GART: variants seen among roughly 807,000 people sequenced by gnomAD.
The protein encoded by GART is phosphoribosylglycinamide formyltransferase, phosphoribosylglycinamide synthetase, phosphoribosylaminoimidazole synthetase, also known as trifunctional purine biosynthetic protein adenosine-3.
Under a neutral mutation model 107.2 loss-of-function variants are expected in GART, and 43 were observed. That is an observed-to-expected ratio of 0.40 (90% CI 0.31 to 0.52). The LOEUF (loss-of-function observed/expected upper bound fraction) is 0.52. Among genes scored for constraint, GART ranks in the 20% least tolerant of loss-of-function variants. The pLI, the probability that GART is intolerant of heterozygous loss-of-function variation, is 0.52. For missense variants in GART, 1,107 were observed against 1,206.5 expected, an observed-to-expected ratio of 0.92 and a Z score of 1.22; for synonymous variants, 434 against 427.0, an observed-to-expected ratio of 1.02 and a Z score of -0.20.
chr21:33,533,011 A>G (rs1431125579), intron 4 of GART, among the ~76,000 whole-genome samples: 3 of 152,204 alleles, frequency 2.0e-5, no homozygotes, highest in African/African-American at 4.8e-5. Context: ...AACTGACACA[A>G]CTGAAAGGAA....
intron 18 of GART, among the ~76,000 whole-genome samples, chr21:33,508,705 C>G (rs56376211): frequency 0.11 from 16,471 of 151,794 alleles, 1,073 homozygotes; most frequent in Non-Finnish European, 0.14. Context: ...TTAGTGGAGA[C>G]AGGGTTTCAC....
intron 16 of GART, among the ~76,000 whole-genome samples, chr21:33,512,177 G>A (rs554484580): frequency 3.8e-4 from 57 of 151,456 alleles, no homozygotes; most frequent in African/African-American, 9.7e-4. Context: ...CCAGCTACTC[G>A]GGAGGCTGAG....
At chr21:33,504,785 G>A (rs1158262706) in intron 20 of GART, among the ~76,000 whole-genome samples, 1 of 152,170 alleles carries the variant, frequency 6.6e-6, no homozygotes, top group Non-Finnish European at 1.5e-5. Context: ...GGAAGGTGGG[G>A]AGTTCAAGCT....
rs1464674107 is a variant in GART at position 33,517,536 on chromosome 21, G to A, written c.1775C>T (p.Ala592Val). 6.2e-7 allele frequency: 1 copy of A among 1,614,162 alleles called. No individual in the cohort carries two copies. The highest frequency in any genetic ancestry group is 8.5e-7 in the Non-Finnish European group (1 of 1,180,040). Residue 592 changes from alanine (A) to valine (V), a missense_variant, in exon 15 of 22, where the codon GCC becomes GTC. Transcript: ENST00000381815. Reference protein sequence around the residue: ...EYDLAGFAVGAMERDQKLPHL... With the variant: ...EYDLAGFAVGVMERDQKLPHL... ...AGGGAGTTTCTGATCTCGCTCCATG[G>A]CACCAACGGCAAACCCAGCTAGGTC...
intron 16 of GART, among the ~76,000 whole-genome samples, chr21:33,515,805 T>C (rs975742712): frequency 1.3e-5 from 2 of 152,072 alleles, no homozygotes; most frequent in African/African-American, 4.8e-5. Context: ...ACCCACTGTC[T>C]CCACAACTCT....
At chr21:33,528,650 T>C (rs747639132) in intron 8 of GART, 46 bp from the exon 9 acceptor site, 5 of 1,279,924 alleles carry the variant, frequency 3.9e-6, no homozygotes, top group Non-Finnish European at 5.4e-6. Flanking sequence ...AGAAAATCTA[T>C]GATGAAGACA....
rs551768427 is a variant in GART at position 33,538,938 on chromosome 21, G to A, written c.145+233C>T. Among the ~76,000 whole-genome samples the A allele has an allele frequency of 4.6e-5, 7 of 152,102 alleles. No individual in the cohort carries two copies. The East Asian group carries it at 5.8e-4, about 13-fold the overall frequency. On this transcript the variant is annotated intron_variant, in intron 2 of 21. Transcript: ENST00000381815. Reference sequence around the variant, plus strand: ...TGGGACTACAGGCACCCGCCACCACGCCCGGCTAATTTTTTGTATTTTTAG... The same window carrying A: ...TGGGACTACAGGCACCCGCCACCACACCCGGCTAATTTTTTGTATTTTTAG...
At chr21:33,536,080 T>G (rs1245225627) in intron 2 of GART, among the ~76,000 whole-genome samples, 2 of 151,994 alleles carry the variant, frequency 1.3e-5, no homozygotes, top group Non-Finnish European at 2.9e-5. Context: ...ATACTTAACA[T>G]GTTTACAATA....
intron 2 of GART, among the ~76,000 whole-genome samples, chr21:33,536,282 A>G (rs943932406): frequency 1.3e-5 from 2 of 152,140 alleles, no homozygotes; most frequent in African/African-American, 4.8e-5. Flanking sequence ...CCAACCTGCA[A>G]GTCAGGTAAA....
chr21:33,531,601 C>T lies in GART; in HGVS notation c.529-44G>A, dbSNP rs199904496. ...TTTTTTTTTTTTTTAAAAAAAGAGG[C>T]TTGGTAAGTTTTTGATACTTAGTTG... On this transcript the variant is annotated intron_variant, in intron 5 of 21. Transcript: ENST00000381815. 5.8e-4 allele frequency: 878 copies of T among 1,507,820 alleles called. 6 individuals carry two copies. The African/African-American group carries it at 0.011, about 20-fold the overall frequency. 93.4% of individuals were successfully genotyped at this position (1,507,820 alleles called of 1,614,324 possible).
chr21:33,536,025 T>C (rs1054315759), intron 2 of GART, among the ~76,000 whole-genome samples: 2 of 150,272 alleles, frequency 1.3e-5, no homozygotes, highest in Non-Finnish European at 3.0e-5. Context: ...AGAACGAAAC[T>C]CTGTCTCAAA....
At chr21:33,527,295 G>C (rs2085091438) in intron 10 of GART, among the ~76,000 whole-genome samples, 1 of 152,070 alleles carries the variant, frequency 6.6e-6, no homozygotes, top group African/African-American at 2.4e-5. Flanking sequence ...GAGGTAGGCG[G>C]ATCACTTGAG....
At chr21:33,532,976 T>C (rs2085222050) in intron 4 of GART, among the ~76,000 whole-genome samples, 1 of 151,842 alleles carries the variant, frequency 6.6e-6, no homozygotes, top group East Asian at 1.9e-4. Context: ...AGAAACTCTT[T>C]AGGATATGAA....
intron 20 of GART, 148 bp from the exon 21 acceptor site, chr21:33,504,675 A>C (rs1456215242): frequency 4.7e-6 from 3 of 644,630 alleles, no homozygotes; most frequent in Admixed American, 2.8e-5. Context: ...AAATGAGGTA[A>C]AAGTAAGTTC....
chr21:33,510,025 GAA>G (rs2084756590), intron 17 of GART, 105 bp from the exon 18 acceptor site: 7 of 1,029,122 alleles, frequency 6.8e-6, no homozygotes, highest in Non-Finnish European at 8.4e-6. Flanking sequence ...GTTTTATCCT[GAA>G]AATAAGATAA....
chr21:33,535,131 C>A, intron 3 of GART, 94 bp downstream of exon 3: 1 of 800,404 alleles, frequency 1.2e-6, no homozygotes, highest in Non-Finnish European at 1.9e-6. Context: ...GATAATATTA[C>A]AAATTCTCAT....
At chr21:33,531,008 A>C in intron 6 of GART, 124 bp from the exon 7 acceptor site, 1 of 816,640 alleles carries the variant, frequency 1.2e-6, no homozygotes, top group Non-Finnish European at 1.7e-6. Flanking sequence ...TTTTTTGCAG[A>C]GAAATGAACC....
At position 33,525,013 on chromosome 21, in the gene GART, A is replaced by G. The variant is rs181826429; in HGVS notation, c.1067-13T>C. On this transcript the variant is annotated splice_polypyrimidine_tract_variant and intron_variant, in intron 10 of 21. Coordinates refer to ENST00000381815, the MANE Select transcript of GART (RefSeq NM_000819.5). The stretch of plus-strand genomic sequence containing the variant: ...GCCTCAGGAAACCCTAGAAGAGAGC[A>G]TATTTGACATATGATTTCAAATAGC... 6.1e-5 allele frequency: 98 copies of G among 1,604,982 alleles called. No individual in the cohort carries two copies. The Middle Eastern group carries it at 1.0e-3, about 16-fold the overall frequency.
intron 14 of GART, chr21:33,518,831 A>C: frequency 1.9e-6 from 1 of 530,928 alleles, no homozygotes. Context: ...GTCTGCACCA[A>C]GCTGGTTTAA....
Sources: allele counts gnomAD v4.1 joint callset (sites outside exome capture counted in the v4.1 genomes callset), GRCh38; gene constraint gnomAD v4.1.1; transcripts MANE v1.5; gene names NCBI Gene and HGNC (gene_info 2026-07-23, HGNC 2026-07-21).